Variants in HIVEP1 observed in about 807,000 individuals in gnomAD.
HIVEP1 encodes zinc finger protein 40.
Under a neutral mutation model 180.0 loss-of-function variants are expected in HIVEP1, and 36 were observed. That is an observed-to-expected ratio of 0.20 (90% confidence interval 0.15 to 0.26). HIVEP1 has a LOEUF of 0.26. Ranked by LOEUF, HIVEP1 falls within the 10% of genes least tolerant of loss-of-function variation. The pLI is 1.00. For synonymous variants in HIVEP1, 1,239 were observed against 1,239.0 expected (o/e 1.00, Z 0.00); for missense variants, 3,143 against 3,268.7 (o/e 0.96, Z 0.94).
At chr6:12,190,593 AT>A in the HIVEP1 span, among the ~76,000 whole-genome samples, 7 of 152,154 alleles carry the variant, frequency 4.6e-5, no homozygotes, top group Non-Finnish European at 1.0e-4. Context: ...GTGGTCACCC[AT>A]TCAGAGAGAC....
At chr6:12,171,938 G>C in the HIVEP1 span, among the ~76,000 whole-genome samples, 2 of 152,088 alleles carry the variant, frequency 1.3e-5, no homozygotes, top group Non-Finnish European at 2.9e-5. Context: ...CCCTCCACTT[G>C]ATTCTCAAGC....
chr6:12,024,061 C>G (rs539273079), intron 2 of HIVEP1, among the ~76,000 whole-genome samples: 10 of 152,266 alleles, frequency 6.6e-5, no homozygotes, highest in Admixed American at 2.6e-4. Context: ...CAGTACTCTT[C>G]TGCATATTAA....
At chr6:12,058,598 A>G (rs1371657624) in intron 2 of HIVEP1, among the ~76,000 whole-genome samples, 1 of 152,236 alleles carries the variant, frequency 6.6e-6, no homozygotes. Flanking sequence ...AAGATAGACA[A>G]CCTGAACAAA....
chr6:12,175,509 A>G, the HIVEP1 span, among the ~76,000 whole-genome samples: 2 of 152,232 alleles, frequency 1.3e-5, no homozygotes, highest in South Asian at 4.1e-4. Context: ...TTCCAATAGA[A>G]CAGATACTAA....
intron 2 of HIVEP1, among the ~76,000 whole-genome samples, chr6:12,029,275 T>C (rs1768780447): frequency 6.6e-6 from 1 of 152,352 alleles, no homozygotes; most frequent in Non-Finnish European, 1.5e-5. Flanking sequence ...TTGCATGGCA[T>C]GTGTGTTCCT....
chr6:12,110,245 A>G lies in HIVEP1; in HGVS notation c.95-9645A>G, dbSNP rs140009251. On this transcript the variant is annotated intron_variant, in intron 3 of 8. Coordinates refer to ENST00000379388, the MANE Select transcript of HIVEP1 (RefSeq NM_002114.4). ...GAATAGTAGATGAGCGTTTGCTTCA[A>G]CTTAAAGCCACCAGCTGTATTAGCC... 7.4e-3 allele frequency among the ~76,000 whole-genome samples: 1,132 copies of G among 152,344 alleles called. 21 individuals carry two copies. The highest frequency in any genetic ancestry group is 0.056 in the East Asian group (291 of 5,190).
chr6:12,159,135 G>T (rs959500662), intron 7 of HIVEP1, among the ~76,000 whole-genome samples: 1 of 152,082 alleles, frequency 6.6e-6, no homozygotes, highest in African/African-American at 2.4e-5. Flanking sequence ...GATTATCTGG[G>T]ACCTCGGCTT....
In HIVEP1 at chr6:12,148,643, C is replaced by T. The variant is rs368806533; in HGVS notation, c.6487+12751C>T. Among the ~76,000 whole-genome samples the T allele has an allele frequency of 1.3e-4, 20 of 152,276 alleles. 1 individual carries two copies. The highest frequency in any genetic ancestry group is 4.8e-4 in the African/African-American group (20 of 41,570). ...TGTTACACAAACAGACTGCTAGAAA[C>T]CACACCGGGATTTCATTTGCTGTGT... On this transcript the variant is annotated intron_variant, in intron 7 of 8. Coordinates refer to ENST00000379388, the MANE Select transcript of HIVEP1 (RefSeq NM_002114.4).
At chr6:12,195,295 A>G in the HIVEP1 span, among the ~76,000 whole-genome samples, 3 of 152,312 alleles carry the variant, frequency 2.0e-5, no homozygotes, top group Non-Finnish European at 4.4e-5. Flanking sequence ...ATTTCCTGGT[A>G]TAGAGTAAGT....
At chr6:12,037,744 A>G in intron 2 of HIVEP1, 1 of 425,236 alleles carries the variant, frequency 2.4e-6, no homozygotes. Flanking sequence ...TCTTTTGCTC[A>G]GGCTGGAGTG....
At chr6:12,155,518 T>G (rs534109994) in intron 7 of HIVEP1, among the ~76,000 whole-genome samples, 1 of 152,146 alleles carries the variant, frequency 6.6e-6, no homozygotes, top group Non-Finnish European at 1.5e-5. Flanking sequence ...TATTTGGTTT[T>G]CTCTTCCTGC....
At chr6:12,144,725 C>T (rs553395237) in intron 7 of HIVEP1, among the ~76,000 whole-genome samples, 4 of 152,172 alleles carry the variant, frequency 2.6e-5, no homozygotes, top group Non-Finnish European at 5.9e-5. Context: ...TGAACAGACA[C>T]TTCTCAAAAG....
In HIVEP1 at chr6:12,063,620, A is replaced by C. The variant is rs1771379924; in HGVS notation, c.41-25564A>C. On this transcript the variant is annotated intron_variant, in intron 2 of 8. Coordinates refer to ENST00000379388, the MANE Select transcript of HIVEP1 (RefSeq NM_002114.4). The surrounding 1 kb of genome is among the most constrained non-coding windows in gnomAD (Gnocchi z 4.2). ...TGTCTTGGGGAGAGAAGGGGCTTGG[A>C]TCTGGGTGGCTGAAGTGGGCAGCTT... is the stretch of plus-strand genomic sequence containing the variant. Among the ~76,000 whole-genome samples, 1 of 152,096 alleles carries C rather than the reference A, an allele frequency of 6.6e-6. No individual in the cohort carries two copies. Among genetic ancestry groups the C allele is most frequent in the Non-Finnish European group, 1.5e-5 (1 of 68,022 alleles).
rs755757147 is a variant in HIVEP1 at position 12,089,272 on chromosome 6, C to T, written c.94+35C>T. On this transcript the variant is annotated intron_variant, in intron 3 of 8. Coordinates refer to ENST00000379388, the MANE Select transcript of HIVEP1 (RefSeq NM_002114.4). ...AATCAGCTTGAATGTAAACTTTATT[C>T]TTGCAATGATGCCTATACATATACC... 3.2e-6 allele frequency: 4 copies of T among 1,250,226 alleles called. No homozygotes were observed. The Admixed American group carries it at 5.3e-5, about 16-fold the overall frequency. 77.4% of individuals were successfully genotyped at this position (1,250,226 alleles called of 1,614,324 possible). A position where few individuals can be genotyped will look rare whatever the true frequency, so the allele number is the denominator to read the frequency against.
chr6:12,185,240 C>G, the HIVEP1 span, among the ~76,000 whole-genome samples: 1 of 152,224 alleles, frequency 6.6e-6, no homozygotes, highest in African/African-American at 2.4e-5. Context: ...TGGTGTAAGG[C>G]GTTCACCCAG....
chr6:12,114,478 C>T (rs1408991750), intron 3 of HIVEP1, among the ~76,000 whole-genome samples: 1 of 152,046 alleles, frequency 6.6e-6, no homozygotes, highest in Non-Finnish European at 1.5e-5. Context: ...GTAGGGATTA[C>T]CCATCCTTCT....
chr6:12,127,907 A>G (rs1030143286), intron 4 of HIVEP1, among the ~76,000 whole-genome samples: 3 of 152,230 alleles, frequency 2.0e-5, no homozygotes, highest in African/African-American at 7.2e-5. Flanking sequence ...GCAAGTGGCT[A>G]TGGAGCATGG....
the HIVEP1 span, among the ~76,000 whole-genome samples, chr6:12,177,302 C>T: frequency 6.6e-6 from 1 of 152,070 alleles, no homozygotes; most frequent in Non-Finnish European, 1.5e-5. Context: ...GCACAGGTAC[C>T]CCCAAACCTA....
chr6:12,083,124 C>T (rs2113294087), intron 2 of HIVEP1, among the ~76,000 whole-genome samples: 1 of 152,262 alleles, frequency 6.6e-6, no homozygotes, highest in East Asian at 1.9e-4. Context: ...TCTTCATAGA[C>T]ATATGAGTGT....
Sources: allele counts gnomAD v4.1 joint callset (sites outside exome capture counted in the v4.1 genomes callset), GRCh38; gene constraint gnomAD v4.1.1; non-coding constraint Gnocchi (gnomAD v3.1); transcripts MANE v1.5; gene names NCBI Gene and HGNC (gene_info 2026-07-23, HGNC 2026-07-21).